The following TMEM196 variants were observed in gnomAD, a reference collection of about 807,000 sequenced individuals.
The protein encoded by TMEM196 is transmembrane protein 196.
TMEM196 carries 17 observed loss-of-function variants against 20.0 expected under a neutral mutation model. That is an observed-to-expected ratio of 0.85 (90% CI 0.58 to 1.27). TMEM196 has a LOEUF of 1.27. Ranked by LOEUF, TMEM196 falls within the 50% of genes most tolerant of loss-of-function variation. The pLI, the probability that TMEM196 is intolerant of heterozygous loss-of-function variation, is 0.00. For missense variants in TMEM196, 267 were observed against 223.0 expected (o/e 1.20, Z -1.26); for synonymous variants, 113 against 88.9 (o/e 1.27, Z -1.52).
chr7:19,725,205 A>G (rs962329741), intron 3 of TMEM196, among the ~76,000 whole-genome samples: 1 of 152,184 alleles, frequency 6.6e-6, no homozygotes, highest in African/African-American at 2.4e-5. Flanking sequence ...TGGAGAGTGT[A>G]TTTAGTATCT....
At chr7:19,765,983 G>T (rs1383212144) in intron 1 of TMEM196, among the ~76,000 whole-genome samples, 1 of 152,130 alleles carries the variant, frequency 6.6e-6, no homozygotes, top group Non-Finnish European at 1.5e-5. Flanking sequence ...AGCAGCACAG[G>T]CCAGCAGAGA....
chr7:19,729,350 C>T (rs1307636932), intron 2 of TMEM196, 32 bp downstream of exon 2: 3 of 1,544,376 alleles, frequency 1.9e-6, no homozygotes, highest in Non-Finnish European at 1.7e-6. Flanking sequence ...TCATACACCT[C>T]AATGCACAAT....
At chr7:19,748,495 A>G (rs1784846821) in intron 1 of TMEM196, among the ~76,000 whole-genome samples, 1 of 152,160 alleles carries the variant, frequency 6.6e-6, no homozygotes, top group African/African-American at 2.4e-5. Flanking sequence ...GTCCGCTTAA[A>G]CGCAGTGTAT....
chr7:19,761,034 A>G (rs570499804), intron 1 of TMEM196, among the ~76,000 whole-genome samples: 6 of 152,228 alleles, frequency 3.9e-5, no homozygotes, highest in African/African-American at 1.4e-4. Flanking sequence ...GTTGACCTCA[A>G]CGTTGACTTG....
rs151295240 is a variant in TMEM196 at position 19,746,445 on chromosome 7, A to G, written c.148-17007T>C. 1.2e-3 allele frequency among the ~76,000 whole-genome samples: 186 copies of G among 152,334 alleles called. 1 individual carries two copies. Among genetic ancestry groups the G allele is most frequent in the African/African-American group, 4.3e-3 (178 of 41,578 alleles). On this transcript the variant is annotated intron_variant, in intron 1 of 4. Coordinates refer to ENST00000405844, the MANE Select transcript of TMEM196 (RefSeq NM_001363562.2). Reference sequence around the variant, plus strand: ...ATTTTCAAAGAAATGTAGATGCTCAATTTTCGAAGAATTGGAGTTCAGTGA... The same window carrying G: ...ATTTTCAAAGAAATGTAGATGCTCAGTTTTCGAAGAATTGGAGTTCAGTGA...
At chr7:19,732,716 G>A (rs1381098587) in intron 1 of TMEM196, among the ~76,000 whole-genome samples, 1 of 150,958 alleles carries the variant, frequency 6.6e-6, no homozygotes, top group Non-Finnish European at 1.5e-5. Flanking sequence ...ACAACTGCAA[G>A]ACCATTGTTA....
At chr7:19,768,311 A>G (rs1238862469) in intron 1 of TMEM196, among the ~76,000 whole-genome samples, 2 of 152,112 alleles carry the variant, frequency 1.3e-5, no homozygotes, top group Admixed American at 6.5e-5. Flanking sequence ...TAATAGATGG[A>G]TGGAATTTTA....
intron 1 of TMEM196, among the ~76,000 whole-genome samples, chr7:19,738,838 C>G (rs921921645): frequency 3.9e-5 from 6 of 152,078 alleles, no homozygotes; most frequent in African/African-American, 7.2e-5. Context: ...TTTCAAATAA[C>G]TTATGTAGAT....
intron 1 of TMEM196, among the ~76,000 whole-genome samples, chr7:19,764,744 G>A (rs1008645535): frequency 3.9e-5 from 6 of 152,088 alleles, no homozygotes; most frequent in African/African-American, 1.4e-4. Flanking sequence ...GAACGATTTA[G>A]GTCCAATATC....
At chr7:19,747,588 A>G (rs1055709643) in intron 1 of TMEM196, among the ~76,000 whole-genome samples, 2 of 152,192 alleles carry the variant, frequency 1.3e-5, no homozygotes, top group African/African-American at 4.8e-5. Context: ...TTTTCATGTC[A>G]TACAGCAGGC....
chr7:19,749,687 T>C (rs532515935), intron 1 of TMEM196, among the ~76,000 whole-genome samples: 88 of 152,188 alleles, frequency 5.8e-4, no homozygotes, highest in Non-Finnish European at 1.0e-3. Context: ...GTTAGCCTTG[T>C]ATTCATTAAC....
At chr7:19,762,547 G>T (rs1427881410) in intron 1 of TMEM196, among the ~76,000 whole-genome samples, 1 of 151,928 alleles carries the variant, frequency 6.6e-6, no homozygotes, top group Non-Finnish European at 1.5e-5. Context: ...TATTAATGTA[G>T]GTTATTCCAA....
intron 1 of TMEM196, among the ~76,000 whole-genome samples, chr7:19,736,352 A>G (rs1467433699): frequency 9.6e-6 from 1 of 103,926 alleles, no homozygotes; most frequent in Non-Finnish European, 2.2e-5. Context: ...AGTGGTTCCT[A>G]CTATATATAT....
intron 2 of TMEM196, among the ~76,000 whole-genome samples, chr7:19,727,580 A>T (rs1784044654): frequency 6.6e-6 from 1 of 152,174 alleles, no homozygotes; most frequent in African/African-American, 2.4e-5. Context: ...TTAACCAATT[A>T]TATTTTATTT....
intron 1 of TMEM196, among the ~76,000 whole-genome samples, chr7:19,732,178 G>A (rs1303373634): frequency 6.6e-6 from 1 of 152,170 alleles, no homozygotes; most frequent in East Asian, 1.9e-4. Context: ...TGGGGACATG[G>A]TCCAGAGAGG....
intron 1 of TMEM196, among the ~76,000 whole-genome samples, chr7:19,739,473 A>T (rs962023818): frequency 5.9e-5 from 9 of 152,144 alleles, no homozygotes; most frequent in African/African-American, 1.7e-4. Context: ...CTTATAAAGG[A>T]GGCCTCAGAG....
At chr7:19,754,856 A>T (rs953693920) in intron 1 of TMEM196, among the ~76,000 whole-genome samples, 8 of 152,174 alleles carry the variant, frequency 5.3e-5, no homozygotes, top group African/African-American at 1.9e-4. Context: ...GAATCTATAT[A>T]ACCCTATTTT....
At chr7:19,727,404 A>G (rs900564250) in intron 2 of TMEM196, among the ~76,000 whole-genome samples, 2 of 152,182 alleles carry the variant, frequency 1.3e-5, no homozygotes, top group Non-Finnish European at 2.9e-5. Context: ...CTTCAACTTA[A>G]TTCAGCATTC....
intron 1 of TMEM196, among the ~76,000 whole-genome samples, chr7:19,757,399 G>A (rs74760099): frequency 0.031 from 4,015 of 129,564 alleles, 86 homozygotes; most frequent in Middle Eastern, 0.087. Flanking sequence ...CAGTTGAGAT[G>A]GGGTTTCACT....
Sources: gnomAD v4.1 joint callset for allele counts (sites outside exome capture counted in the v4.1 genomes callset) on GRCh38, gnomAD v4.1.1 for gene constraint, MANE v1.5 for transcripts, NCBI Gene and HGNC (gene_info 2026-07-23, HGNC 2026-07-21) for gene names.